Variants in ATP9A observed in about 807,000 individuals in gnomAD.
The protein encoded by ATP9A is probable phospholipid-transporting ATPase IIA.
A neutral mutation model predicts 144.1 loss-of-function variants in ATP9A; 52 were observed. The observed-to-expected ratio is 0.36, with a 90% CI of 0.29 to 0.45. The LOEUF is 0.45. Among genes scored for constraint, ATP9A ranks in the 20% least tolerant of loss-of-function variants. The pLI, the probability that ATP9A is intolerant of heterozygous loss-of-function variation, is 1.00. For missense variants in ATP9A, 947 were observed against 1,392.7 expected (o/e 0.68, Z 5.09); for synonymous variants, 582 against 557.4 (o/e 1.04, Z -0.62).
At chr20:51,674,002 A>G (rs1359139562) in intron 11 of ATP9A, 151 bp downstream of exon 11, 3 of 914,572 alleles carry the variant, frequency 3.3e-6, no homozygotes, top group Admixed American at 3.1e-5. Context: ...GTGAGCCAAG[A>G]TCGCGCCACT....
intron 1 of ATP9A, among the ~76,000 whole-genome samples, chr20:51,745,901 T>A (rs1036653469): frequency 3.3e-5 from 5 of 152,138 alleles, no homozygotes; most frequent in Non-Finnish European, 5.9e-5. Context: ...ACAGCACTAT[T>A]CACAAAGCAA....
intron 4 of ATP9A, among the ~76,000 whole-genome samples, chr20:51,703,969 A>G (rs984712286): frequency 6.6e-5 from 10 of 152,108 alleles, no homozygotes; most frequent in African/African-American, 2.4e-4. Context: ...ATTCTGCTTC[A>G]TGTGTACATT....
chr20:51,717,036 G>A (rs1478870936), intron 3 of ATP9A, among the ~76,000 whole-genome samples: 1 of 152,030 alleles, frequency 6.6e-6, no homozygotes, highest in Non-Finnish European at 1.5e-5. Flanking sequence ...TTAGCTGGGT[G>A]TGGTGGCCAC....
At chr20:51,639,584 G>A in intron 14 of ATP9A, 80 bp from the exon 15 acceptor site, 1 of 1,421,326 alleles carries the variant, frequency 7.0e-7, no homozygotes, top group South Asian at 1.4e-5. Context: ...CACAAAGGCA[G>A]AAGGGGGCTC....
At chr20:51,652,699 C>T (rs975207014) in intron 14 of ATP9A, among the ~76,000 whole-genome samples, 6 of 152,202 alleles carry the variant, frequency 3.9e-5, no homozygotes, top group African/African-American at 1.2e-4. Flanking sequence ...TTAACAATGA[C>T]TATACCTTTA....
intron 23 of ATP9A, among the ~76,000 whole-genome samples, chr20:51,610,595 C>T (rs2077181256): frequency 6.6e-6 from 1 of 152,146 alleles, no homozygotes; most frequent in African/African-American, 2.4e-5. Flanking sequence ...ATCACCCACA[C>T]TTTACAGAAG....
rs974192754 is a variant in ATP9A at position 51,670,128 on chromosome 20, G to A, written c.1181-19C>T. On this transcript the variant is annotated intron_variant, in intron 12 of 27. Transcript: ENST00000338821. ...AGAGTGCCTAAAACACAAGACAAAT[G>A]AGTGGCCGGCCTGTCTCTCAGGATG... 1 of 1,573,782 alleles carries A rather than the reference G, an allele frequency of 6.4e-7. No individual in the cohort carries two copies. Among genetic ancestry groups the A allele is most frequent in the Non-Finnish European group, 8.7e-7 (1 of 1,143,250 alleles).
chr20:51,623,879 C>T (rs1436805905), intron 18 of ATP9A, among the ~76,000 whole-genome samples: 2 of 152,214 alleles, frequency 1.3e-5, no homozygotes, highest in South Asian at 4.2e-4. Context: ...AACTAACCTG[C>T]CCCATCCCAG....
At chr20:51,694,492 C>CA (rs1327144605) in intron 6 of ATP9A, among the ~76,000 whole-genome samples, 1 of 152,112 alleles carries the variant, frequency 6.6e-6, no homozygotes, top group East Asian at 1.9e-4. Context: ...TCTCAGGACC[C>CA]AAACCACCTG....
At chr20:51,620,438 T>C (rs1601061149) in intron 19 of ATP9A, among the ~76,000 whole-genome samples, 1 of 152,312 alleles carries the variant, frequency 6.6e-6, no homozygotes, top group South Asian at 2.1e-4. Context: ...GGTTAGGTTT[T>C]TGCCCCTGGT....
intron 15 of ATP9A, among the ~76,000 whole-genome samples, chr20:51,638,722 C>T (rs1049106253): frequency 6.6e-6 from 1 of 151,940 alleles, no homozygotes; most frequent in African/African-American, 2.4e-5. Context: ...AATGAGTCAG[C>T]CCTGGTTTTG....
chr20:51,734,154 AT>A (rs373735614), intron 1 of ATP9A, among the ~76,000 whole-genome samples: 2 of 149,406 alleles, frequency 1.3e-5, no homozygotes, highest in East Asian at 4.0e-4. Context: ...AATTTTTGTA[AT>A]TTTTTTTTTG....
At position 51,605,473 on chromosome 20, in the gene ATP9A, C is replaced by T. The variant is rs112343047; in HGVS notation, c.2804-453G>A. ...TCTCTACAAAAAATACAAAAATTAG[C>T]CAGGCATGGTGGCATGCACCTGTAG... is the stretch of plus-strand genomic sequence containing the variant. On this transcript the variant is annotated intron_variant, in intron 26 of 27. Coordinates refer to ENST00000338821, the MANE Select transcript of ATP9A (RefSeq NM_006045.3). Among the ~76,000 whole-genome samples, 1,315 of 152,204 alleles carry T rather than the reference C, an allele frequency of 8.6e-3. 20 individuals carry two copies. The highest frequency in any genetic ancestry group is 0.03 in the African/African-American group (1,256 of 41,532).
chr20:51,625,680 G>A (rs1330039157), intron 17 of ATP9A, among the ~76,000 whole-genome samples: 1 of 152,174 alleles, frequency 6.6e-6, no homozygotes, highest in Non-Finnish European at 1.5e-5. Context: ...TTGTCTCAGG[G>A]ACGGGCACAA....
intron 13 of ATP9A, among the ~76,000 whole-genome samples, chr20:51,658,717 A>C (rs193228429): frequency 0.013 from 2,040 of 151,376 alleles, 17 homozygotes; most frequent in Non-Finnish European, 0.022. Flanking sequence ...ATGGGGTTTC[A>C]CCATGTTGGC....
intron 1 of ATP9A, among the ~76,000 whole-genome samples, chr20:51,741,210 C>A (rs938393387): frequency 6.6e-6 from 1 of 152,134 alleles, no homozygotes; most frequent in Non-Finnish European, 1.5e-5. Context: ...TGGAGAGCAT[C>A]CCTTTCAAGA....
intron 14 of ATP9A, among the ~76,000 whole-genome samples, chr20:51,656,636 T>C (rs1009408439): frequency 3.3e-5 from 5 of 152,196 alleles, no homozygotes; most frequent in African/African-American, 4.8e-5. Flanking sequence ...AAGATCTTAA[T>C]TATTTACATC....
intron 12 of ATP9A, 80 bp from the exon 13 acceptor site, chr20:51,670,189 T>C (rs2077450194): frequency 8.9e-7 from 1 of 1,128,002 alleles, no homozygotes; most frequent in Non-Finnish European, 1.3e-6. Flanking sequence ...GCTGCCATCT[T>C]TGGAGAGTTT....
intron 14 of ATP9A, among the ~76,000 whole-genome samples, chr20:51,645,908 C>G (rs1184268700): frequency 6.6e-6 from 1 of 152,256 alleles, no homozygotes; most frequent in Non-Finnish European, 1.5e-5. Context: ...CAGGGGCTTG[C>G]ATCTCACTGC....
Sources: allele counts gnomAD v4.1 joint callset (sites outside exome capture counted in the v4.1 genomes callset), GRCh38; gene constraint gnomAD v4.1.1; transcripts MANE v1.5; gene names NCBI Gene and HGNC (gene_info 2026-07-23, HGNC 2026-07-21).